The following NTM variants were observed in gnomAD, a reference collection of about 807,000 sequenced individuals.
The protein encoded by NTM is neurotrimin.
A neutral mutation model predicts 42.1 loss-of-function variants in NTM; 13 were observed. The ratio of observed to expected loss-of-function variants is 0.31; its 90% confidence interval spans 0.20 to 0.49. The LOEUF (loss-of-function observed/expected upper bound fraction) is 0.49. Among genes scored for constraint, NTM ranks in the 20% least tolerant of loss-of-function variants. The pLI is 0.99. For missense variants in NTM, 373 were observed against 452.8 expected, an observed-to-expected ratio of 0.82 and a Z score of 1.60; for synonymous variants, 187 against 179.2, an observed-to-expected ratio of 1.04 and a Z score of -0.35.
intron 1 of NTM, among the ~76,000 whole-genome samples, chr11:131,861,585 AGCCAATCT>A (rs1299955527): frequency 6.6e-6 from 1 of 152,348 alleles, no homozygotes; most frequent in Non-Finnish European, 1.5e-5. Flanking sequence ...ATAGCATTTA[AGCCAATCT>A]GCCTGATGTT....
chr11:132,070,519 C>T (rs2057404750), intron 2 of NTM, among the ~76,000 whole-genome samples: 1 of 124,146 alleles, frequency 8.1e-6, no homozygotes, highest in African/African-American at 3.1e-5. Flanking sequence ...ACACGTCACA[C>T]AGCCAAGTTA....
At chr11:132,086,323 C>CAAAAAA (rs71067358) in intron 2 of NTM, among the ~76,000 whole-genome samples, 2,883 of 98,798 alleles carry the variant, frequency 0.029, 69 homozygotes, top group Middle Eastern at 0.11. Context: ...GACTCCATGT[C>CAAAAAA]AAAAAAAAAA....
intron 2 of NTM, among the ~76,000 whole-genome samples, chr11:132,040,771 T>C (rs1427396077): frequency 6.6e-6 from 1 of 152,238 alleles, no homozygotes; most frequent in Admixed American, 6.5e-5. Flanking sequence ...CTTCTGTCAA[T>C]AGGTGACCTA....
intron 1 of NTM, among the ~76,000 whole-genome samples, chr11:131,761,596 G>T (rs1180514079): frequency 6.6e-6 from 1 of 151,980 alleles, no homozygotes; most frequent in African/African-American, 2.4e-5. Context: ...CTGAGGTCGG[G>T]AGTTGGAGAC....
At chr11:132,125,976 G>A (rs1280101901) in intron 2 of NTM, among the ~76,000 whole-genome samples, 2 of 151,904 alleles carry the variant, frequency 1.3e-5, no homozygotes, top group Non-Finnish European at 1.5e-5. Flanking sequence ...AGGGGGATGA[G>A]TGGGCTGTTG....
intron 2 of NTM, among the ~76,000 whole-genome samples, chr11:132,094,638 T>G (rs1261888698): frequency 2.6e-5 from 4 of 152,090 alleles, no homozygotes; most frequent in Non-Finnish European, 5.9e-5. Context: ...GGTCCCCAGG[T>G]GTTGGTAAAT....
intron 1 of NTM, among the ~76,000 whole-genome samples, chr11:131,601,817 T>C (rs1041278962): frequency 6.6e-6 from 1 of 152,222 alleles, no homozygotes; most frequent in Non-Finnish European, 1.5e-5. Context: ...TATCCATTTA[T>C]TCAACAAACA....
intron 2 of NTM, among the ~76,000 whole-genome samples, chr11:131,957,215 A>G (rs1046708726): frequency 1.3e-5 from 2 of 152,212 alleles, no homozygotes; most frequent in African/African-American, 2.4e-5. Flanking sequence ...TGAGGACCAG[A>G]TAATTGTAAC....
intron 1 of NTM, among the ~76,000 whole-genome samples, chr11:131,884,626 T>G (rs1229972556): frequency 1.3e-5 from 2 of 151,866 alleles, no homozygotes; most frequent in Non-Finnish European, 2.9e-5. Context: ...AAACAATCCT[T>G]GGGTCTAGCA....
chr11:131,742,053 C>T (rs2081268086), intron 1 of NTM, among the ~76,000 whole-genome samples: 1 of 152,262 alleles, frequency 6.6e-6, no homozygotes, highest in South Asian at 2.1e-4. Flanking sequence ...AAGAGAACAA[C>T]ACACACTGGG....
chr11:132,042,891 A>G (rs1366727689), intron 2 of NTM, among the ~76,000 whole-genome samples: 1 of 152,188 alleles, frequency 6.6e-6, no homozygotes, highest in Non-Finnish European at 1.5e-5. Flanking sequence ...TGTTCATCTT[A>G]TATCCCTGGT....
At chr11:132,158,706 T>C (rs1050818351) in intron 3 of NTM, among the ~76,000 whole-genome samples, 5 of 152,246 alleles carry the variant, frequency 3.3e-5, no homozygotes, top group African/African-American at 1.2e-4. Context: ...GCTCTCTCTT[T>C]GGTCAGGCGT....
chr11:131,574,491 C>T (rs1192019173), intron 1 of NTM, among the ~76,000 whole-genome samples: 2 of 152,116 alleles, frequency 1.3e-5, no homozygotes, highest in African/African-American at 4.8e-5. Flanking sequence ...GAGTCCCAGG[C>T]CTAAGGTATC....
At chr11:132,054,058 A>G (rs2079238045) in intron 2 of NTM, among the ~76,000 whole-genome samples, 1 of 152,178 alleles carries the variant, frequency 6.6e-6, no homozygotes, top group Non-Finnish European at 1.5e-5. Context: ...TATACTAAAA[A>G]TACAAAATTT....
rs576563693 is a variant in NTM, at chr11:132,141,166, C to T, written c.168-5116C>T. 2.6e-5 allele frequency: 4 copies of T among 152,206 alleles called. No homozygotes were observed. In the South Asian group the frequency reaches 8.3e-4, roughly 32 times the overall value. The allele number at this position is 152,206 out of a possible 1,614,324, so 9.4% of individuals were successfully genotyped here. The stretch of plus-strand genomic sequence containing the variant: ...TCTCTTTGCCCATCTTTAGAAGATT[C>T]CAAGCAGACACTTTTGCTTCTTTTT... On this transcript the variant is annotated intron_variant, in intron 2 of 8. Coordinates refer to ENST00000683400, the MANE Select transcript of NTM (RefSeq NM_001352005.2).
chr11:132,152,795 G>A (rs550760324), intron 3 of NTM, among the ~76,000 whole-genome samples: 10 of 152,198 alleles, frequency 6.6e-5, no homozygotes, highest in Non-Finnish European at 1.0e-4. Flanking sequence ...GCCAAGTAGG[G>A]CAAAATGTAA....
chr11:131,782,614 C>G (rs183413310), intron 1 of NTM, among the ~76,000 whole-genome samples: 2 of 152,112 alleles, frequency 1.3e-5, no homozygotes, highest in East Asian at 3.9e-4. Context: ...ATGTATTACA[C>G]AATTAAATCC....
intron 2 of NTM, among the ~76,000 whole-genome samples, chr11:131,961,060 T>A (rs1388673388): frequency 2.1e-4 from 32 of 152,124 alleles, no homozygotes; most frequent in Non-Finnish European, 1.3e-4. Context: ...CTAACCAGAT[T>A]TAAGCATGAG....
At position 131,943,928 on chromosome 11, in the gene NTM, A is replaced by G. The variant is rs1195853463; in HGVS notation, c.167+32280A>G. On this transcript the variant is annotated intron_variant, in intron 2 of 8. Coordinates refer to ENST00000683400, the MANE Select transcript of NTM (RefSeq NM_001352005.2). ...ACTCACATTTTTCTAAAAGGAAAAA[A>G]AAAAATACCTGTTAGGCTGATATTC... is the stretch of plus-strand genomic sequence containing the variant. Among the ~76,000 whole-genome samples the G allele has an allele frequency of 2.0e-5, 3 of 152,196 alleles. No homozygotes were observed. The East Asian group carries it at 5.8e-4, about 29-fold the overall frequency.
Sources: allele counts gnomAD v4.1 joint callset (sites outside exome capture counted in the v4.1 genomes callset), GRCh38; gene constraint gnomAD v4.1.1; transcripts MANE v1.5; gene names NCBI Gene and HGNC (gene_info 2026-07-23, HGNC 2026-07-21).